Variants in ABI3BP observed in about 807,000 individuals in gnomAD.
ABI3BP encodes ABI family member 3 binding protein.
Under a neutral mutation model 268.6 loss-of-function variants are expected in ABI3BP, and 216 were observed. The ratio of observed to expected loss-of-function variants is 0.80; its 90% CI spans 0.72 to 0.90. ABI3BP has a LOEUF of 0.90. Ranked by LOEUF, ABI3BP falls within the 40% of genes least tolerant of loss-of-function variation. The probability of loss-of-function intolerance (pLI) is 0.00; values close to 1 mark genes in which losing one functional copy is unlikely to be tolerated. For synonymous variants in ABI3BP, 730 were observed against 730.0 expected, an observed-to-expected ratio of 1.00 and a Z score of 0.00; for missense variants, 2,090 against 2,182.4, an observed-to-expected ratio of 0.96 and a Z score of 0.84.
intron 1 of ABI3BP, among the ~76,000 whole-genome samples, chr3:100,959,056 C>T (rs1197385996): frequency 6.6e-6 from 1 of 152,164 alleles, no homozygotes; most frequent in Non-Finnish European, 1.5e-5. Flanking sequence ...TGAAGATCCG[C>T]TGCAGCCAGA....
Position 100,860,137 on chromosome 3 carries a change from G to C in ABI3BP, c.1285+2174C>G, listed in dbSNP as rs1346532864. On this transcript the variant is annotated intron_variant, in intron 14 of 67. Coordinates refer to ENST00000471714, the MANE Select transcript of ABI3BP (RefSeq NM_001375547.2). The stretch of plus-strand genomic sequence containing the variant: ...CGCCTGGGCATCTTGTTGGAAAGCA[G>C]ATCTTGTTTCAATAGATCTAGAGTG... 4.6e-5 allele frequency among the ~76,000 whole-genome samples: 7 copies of C among 152,206 alleles called. No individual in the cohort carries two copies. In the East Asian group the frequency reaches 1.3e-3, roughly 29 times the overall value.
chr3:100,782,944 T>C (rs1330830229), intron 57 of ABI3BP, among the ~76,000 whole-genome samples: 3 of 152,098 alleles, frequency 2.0e-5, no homozygotes, highest in African/African-American at 7.2e-5. Flanking sequence ...GCATCAAGAC[T>C]TGAGCCTCAG....
intron 56 of ABI3BP, among the ~76,000 whole-genome samples, chr3:100,788,068 G>T (rs1220549025): frequency 1.3e-5 from 2 of 152,094 alleles, no homozygotes; most frequent in Non-Finnish European, 2.9e-5. Context: ...TTTATAATCC[G>T]AAGTGGGAAA....
chr3:100,900,765 A>T (rs2049930214), intron 3 of ABI3BP, among the ~76,000 whole-genome samples: 1 of 152,208 alleles, frequency 6.6e-6, no homozygotes, highest in Non-Finnish European at 1.5e-5. Flanking sequence ...CAAAAACAAA[A>T]TTATATCCGC....
intron 24 of ABI3BP, 136 bp downstream of exon 24, chr3:100,839,433 A>G: frequency 1.0e-6 from 1 of 956,280 alleles, no homozygotes; most frequent in African/African-American, 1.6e-5. Context: ...CTTCAGACCC[A>G]GACAGGAAAG....
rs760618402 is a variant in ABI3BP, at chr3:100,993,369, C to G, written c.16G>C (p.Gly6Arg). The G allele has an allele frequency of 1.1e-5, 17 of 1,552,986 alleles. No homozygotes were observed. The highest frequency in any genetic ancestry group is 3.6e-5 in the South Asian group (3 of 84,138). MLSSL[G>R]CLLLCGSITL... ...ATACTTCCACAGAGAAGTAGACACCCCAAACTGGAGAGCATGTTGCATTTG... is the reference window on the plus strand; with the variant it reads ...ATACTTCCACAGAGAAGTAGACACCGCAAACTGGAGAGCATGTTGCATTTG... Residue 6 changes from glycine (G) to arginine (R), a missense_variant, in exon 1 of 68, where the codon GGG (glycine) becomes CGG (arginine). Coordinates refer to ENST00000471714, the MANE Select transcript of ABI3BP (RefSeq NM_001375547.2).
intron 14 of ABI3BP, 147 bp downstream of exon 14, chr3:100,862,164 G>T: frequency 3.2e-6 from 2 of 615,766 alleles, no homozygotes; most frequent in Middle Eastern, 4.5e-4. Context: ...TGGGGAAAAT[G>T]AGGTTCATCT....
chr3:100,811,892 T>C, intron 46 of ABI3BP, 93 bp from the exon 47 acceptor site: 1 of 904,160 alleles, frequency 1.1e-6, no homozygotes, highest in South Asian at 1.5e-5. Context: ...AGAATTGAGC[T>C]ATCTTAAGCA....
At chr3:100,902,718 C>A (rs1248490081) in intron 2 of ABI3BP, 32 bp from the exon 3 acceptor site, 2 of 1,599,588 alleles carry the variant, frequency 1.3e-6, no homozygotes, top group African/African-American at 2.7e-5. Flanking sequence ...ATCAGAAAAA[C>A]CCTTTGAGAA....
At chr3:100,800,539 T>G (rs2097503232) in intron 51 of ABI3BP, among the ~76,000 whole-genome samples, 1 of 151,846 alleles carries the variant, frequency 6.6e-6, no homozygotes, top group South Asian at 2.1e-4. Flanking sequence ...AGTGGTGTGA[T>G]CTCGGCTCAC....
At position 100,749,734 on chromosome 3, in the gene ABI3BP, T is replaced by C. The variant is rs1455414916; in HGVS notation, c.*761A>G. The C allele has an allele frequency of 2.5e-6, 1 of 398,454 alleles. No homozygotes were observed. Among genetic ancestry groups the C allele is most frequent in the Non-Finnish European group, 4.4e-6 (1 of 225,756 alleles). 24.7% of individuals were successfully genotyped at this position (398,454 alleles called of 1,614,324 possible). ...AGCTTGATTAGAATCATAAAAACAA[T>C]ATGAAGACGATTGCATAAAGGGATA... On this transcript the variant is annotated 3_prime_UTR_variant, in exon 68 of 68. Transcript: ENST00000471714.
At chr3:100,805,079 AACTGC>A (rs746701238) in intron 50 of ABI3BP, among the ~76,000 whole-genome samples, 4 of 152,250 alleles carry the variant, frequency 2.6e-5, no homozygotes, top group Middle Eastern at 6.8e-3. Context: ...AAATCCGAGA[AACTGC>A]AAAATTTCAA....
intron 48 of ABI3BP, 53 bp from the exon 49 acceptor site, chr3:100,810,530 G>A: frequency 1.6e-6 from 2 of 1,277,628 alleles, no homozygotes; most frequent in Admixed American, 2.0e-5. Flanking sequence ...GACAGACCTT[G>A]AGTACAGATA....
rs377096622 is a variant in ABI3BP, at chr3:100,829,536, T to C, written c.2542+45A>G. 1.4e-5 allele frequency: 21 copies of C among 1,480,224 alleles called. No individual in the cohort carries two copies. In the African/African-American group the frequency reaches 2.6e-4, roughly 19 times the overall value. 91.7% of individuals were successfully genotyped at this position (1,480,224 alleles called of 1,614,324 possible). A position where few individuals can be genotyped will look rare whatever the true frequency, so the allele number is the denominator to read the frequency against. On this transcript the variant is annotated intron_variant, in intron 33 of 67. Coordinates refer to ENST00000471714, the MANE Select transcript of ABI3BP (RefSeq NM_001375547.2). ...CTACTTCATTCTCTTTGGGTCCCAC[T>C]GGGGTGGGCTGTTAGGATTCCTCAA...
At chr3:100,779,396 G>T (rs1201418930) in intron 58 of ABI3BP, among the ~76,000 whole-genome samples, 1 of 152,188 alleles carries the variant, frequency 6.6e-6, no homozygotes, top group Non-Finnish European at 1.5e-5. Flanking sequence ...TCTGCCTAAA[G>T]GGTGGGGTAA....
At chr3:100,796,526 T>C (rs2097351106) in intron 51 of ABI3BP, 58 bp from the exon 52 acceptor site, 4 of 1,296,100 alleles carry the variant, frequency 3.1e-6, no homozygotes, top group Non-Finnish European at 4.3e-6. Context: ...TGGAGTGAGC[T>C]TAACCCACAG....
Position 100,783,461 on chromosome 3 carries a change from T to C in ABI3BP, c.4163-3252A>G, listed in dbSNP as rs2096928870. ...TAGTACATAATGGGCTTTCAATAAA[T>C]GTTGGTTGAATGAAAAAAATAGCTG... On this transcript the variant is annotated intron_variant, in intron 57 of 67. Coordinates refer to ENST00000471714, the MANE Select transcript of ABI3BP (RefSeq NM_001375547.2). Among the ~76,000 whole-genome samples the C allele has an allele frequency of 2.6e-5, 4 of 152,278 alleles. No homozygotes were observed. In the South Asian group the frequency reaches 8.3e-4, roughly 32 times the overall value.
rs550603730 is a variant in ABI3BP, at chr3:100,912,716, G to T, written c.260-10030C>A. 8.5e-5 allele frequency among the ~76,000 whole-genome samples: 13 copies of T among 152,254 alleles called. No individual in the cohort carries two copies. The East Asian group carries it at 2.5e-3, about 29-fold the overall frequency. ...GACATTTGGCCACAGCTCCTGTACC[G>T]CATTTCATCAACACTAAGCCTGAGT... is the stretch of plus-strand genomic sequence containing the variant. On this transcript the variant is annotated intron_variant, in intron 2 of 67. Transcript: ENST00000471714.
chr3:100,873,391 T>A (rs2099128961), intron 9 of ABI3BP, among the ~76,000 whole-genome samples: 1 of 152,140 alleles, frequency 6.6e-6, no homozygotes, highest in Admixed American at 6.6e-5. Flanking sequence ...CCTCATTAGA[T>A]TTGATGTCTT....
Sources: allele counts gnomAD v4.1 joint callset (sites outside exome capture counted in the v4.1 genomes callset), GRCh38; gene constraint gnomAD v4.1.1; transcripts MANE v1.5; gene names NCBI Gene and HGNC (gene_info 2026-07-23, HGNC 2026-07-21).